The following HERC3 variants were observed in gnomAD, a reference collection of about 807,000 sequenced individuals.
HERC3 encodes probable E3 ubiquitin-protein ligase HERC3.
A neutral mutation model predicts 129.9 loss-of-function variants in HERC3; 58 were observed. The ratio of observed to expected loss-of-function variants is 0.45; its 90% CI spans 0.36 to 0.56. The LOEUF (loss-of-function observed/expected upper bound fraction) is 0.56, where lower values mean the gene tolerates loss of function less well. Ranked by LOEUF, HERC3 falls within the 20% of genes least tolerant of loss-of-function variation. HERC3 has a pLI of 0.00. For synonymous variants in HERC3, 430 were observed against 451.0 expected (o/e 0.95, Z 0.59); for missense variants, 835 against 1,244.2 (o/e 0.67, Z 4.95).
intron 3 of HERC3, among the ~76,000 whole-genome samples, chr4:88,632,661 A>G (rs1726904770): frequency 6.6e-6 from 1 of 152,272 alleles, no homozygotes. Flanking sequence ...CAGAGGTGAC[A>G]GAGGAAAGAA....
intron 3 of HERC3, 55 bp downstream of exon 3, chr4:88,606,104 C>T: frequency 7.0e-7 from 1 of 1,424,662 alleles, no homozygotes; most frequent in Non-Finnish European, 9.6e-7. Context: ...TTGGAGGACA[C>T]AATGGCAGAG....
chr4:88,658,522 G>C, intron 10 of HERC3, 31 bp downstream of exon 10: 9 of 1,210,240 alleles, frequency 7.4e-6, no homozygotes, highest in Non-Finnish European at 1.1e-5. Context: ...CTTATTTCCA[G>C]GAAGGAATAA....
the HERC3 span, among the ~76,000 whole-genome samples, chr4:88,566,909 C>A: frequency 6.6e-6 from 1 of 152,176 alleles, no homozygotes; most frequent in Non-Finnish European, 1.5e-5. Context: ...CCCACCTCAG[C>A]CTCTCAAGTT....
At chr4:88,704,863 CTTTT>C (rs1165694315) in intron 25 of HERC3, among the ~76,000 whole-genome samples, 8 of 130,662 alleles carry the variant, frequency 6.1e-5, no homozygotes, top group African/African-American at 9.0e-5. Flanking sequence ...TTCTTTCTTT[CTTTT>C]TTTTTTTTTT....
At chr4:88,697,848 G>A in intron 23 of HERC3, 2 of 1,480,978 alleles carry the variant, frequency 1.4e-6, no homozygotes, top group Non-Finnish European at 1.8e-6. Context: ...GGCAAGTGGC[G>A]GTGACGTGCG....
chr4:88,571,928 C>T, the HERC3 span, among the ~76,000 whole-genome samples: 25 of 152,264 alleles, frequency 1.6e-4, no homozygotes, highest in African/African-American at 6.0e-4. Context: ...ATCCCGGTGC[C>T]TCAGAATGTG....
At chr4:88,680,667 T>C (rs1013656651) in intron 20 of HERC3, among the ~76,000 whole-genome samples, 2 of 152,194 alleles carry the variant, frequency 1.3e-5, no homozygotes, top group African/African-American at 4.8e-5. Context: ...AATCAGACTG[T>C]CATTTACATT....
At chr4:88,612,830 A>C (rs1039350436) in intron 3 of HERC3, among the ~76,000 whole-genome samples, 1 of 152,132 alleles carries the variant, frequency 6.6e-6, no homozygotes, top group African/African-American at 2.4e-5. Context: ...CAAACAAAAC[A>C]TAAGCTTTTT....
the HERC3 span, among the ~76,000 whole-genome samples, chr4:88,563,070 G>A: frequency 6.6e-6 from 1 of 152,254 alleles, no homozygotes; most frequent in South Asian, 2.1e-4. Flanking sequence ...GCATTGCATT[G>A]AATCTGTAGA....
intron 25 of HERC3, 92 bp downstream of exon 25, chr4:88,704,702 A>C: frequency 3.1e-5 from 24 of 770,332 alleles, no homozygotes; most frequent in Non-Finnish European, 4.7e-5. Context: ...GGCTTAACTC[A>C]TTTAAATGGT....
chr4:88,540,169 T>G, the HERC3 span, among the ~76,000 whole-genome samples: 3 of 152,078 alleles, frequency 2.0e-5, no homozygotes, highest in African/African-American at 7.2e-5. Flanking sequence ...TTCTAACCCA[T>G]CACAAGGAGG....
the HERC3 span, among the ~76,000 whole-genome samples, chr4:88,570,263 C>A: frequency 6.6e-6 from 1 of 152,022 alleles, no homozygotes; most frequent in African/African-American, 2.4e-5. Context: ...TTTCATTTTT[C>A]TCAATAAAAA....
At chr4:88,670,350 C>T (rs1485777479) in intron 16 of HERC3, 98 bp downstream of exon 16, 1 of 770,896 alleles carries the variant, frequency 1.3e-6, no homozygotes, top group South Asian at 1.8e-5. Flanking sequence ...GTCAGTGTGT[C>T]ACCTATTCTT....
At chr4:88,633,834 A>T (rs1049773132) in intron 3 of HERC3, among the ~76,000 whole-genome samples, 1 of 152,242 alleles carries the variant, frequency 6.6e-6, no homozygotes, top group Non-Finnish European at 1.5e-5. Context: ...AACATATATT[A>T]TGCAAACACT....
the HERC3 span, among the ~76,000 whole-genome samples, chr4:88,575,165 C>T: frequency 4.5e-3 from 683 of 152,252 alleles, 6 homozygotes; most frequent in Non-Finnish European, 5.7e-3. Flanking sequence ...ATACTAAATG[C>T]CAATTACCTA....
chr4:88,634,451 G>A (rs901908748), intron 3 of HERC3, among the ~76,000 whole-genome samples: 52 of 152,146 alleles, frequency 3.4e-4, no homozygotes, highest in African/African-American at 1.2e-3. Context: ...CAGGAACTCC[G>A]TCTCCAACTA....
chr4:88,653,146 A>G, intron 6 of HERC3, 56 bp downstream of exon 6: 1 of 1,526,832 alleles, frequency 6.5e-7, no homozygotes. Context: ...CATTTAACAC[A>G]TGCTTCTTGA....
intron 6 of HERC3, among the ~76,000 whole-genome samples, chr4:88,653,639 G>C (rs1174660106): frequency 6.6e-6 from 1 of 152,224 alleles, no homozygotes; most frequent in Non-Finnish European, 1.5e-5. Context: ...TGGCTGTAGT[G>C]GGTCAAGGGG....
intron 10 of HERC3, among the ~76,000 whole-genome samples, chr4:88,660,126 G>T (rs1344229488): frequency 6.6e-6 from 1 of 152,016 alleles, no homozygotes; most frequent in African/African-American, 2.4e-5. Context: ...TAGATACAGA[G>T]GCTGATCAAA....
Sources: gnomAD v4.1 joint callset for allele counts (sites outside exome capture counted in the v4.1 genomes callset) on GRCh38, gnomAD v4.1.1 for gene constraint, MANE v1.5 for transcripts, NCBI Gene and HGNC (gene_info 2026-07-23, HGNC 2026-07-21) for gene names.